Variants in COL6A3 observed in about 807,000 individuals in gnomAD.
COL6A3 encodes collagen type VI alpha 3 chain, also known as collagen alpha-3(VI) chain.
Under a neutral mutation model 274.1 loss-of-function variants are expected in COL6A3, and 137 were observed. The observed-to-expected ratio is 0.50, with a 90% CI of 0.44 to 0.58. COL6A3 has a LOEUF of 0.58. Ranked by LOEUF, COL6A3 falls within the 20% of genes least tolerant of loss-of-function variation. The pLI is 0.00. For missense variants in COL6A3, 3,950 were observed against 4,124.9 expected (o/e 0.96, Z 1.16); for synonymous variants, 1,650 against 1,650.6 (o/e 1.00, Z 0.01).
intron 3 of COL6A3, among the ~76,000 whole-genome samples, chr2:237,392,102 A>G (rs995284249): frequency 1.5e-4 from 23 of 152,130 alleles, no homozygotes; most frequent in African/African-American, 4.1e-4. Flanking sequence ...ACTCTTTCCT[A>G]TGGAGAAGCA....
At chr2:237,346,625 C>T in intron 31 of COL6A3, 60 bp from the exon 32 acceptor site, 1 of 1,484,548 alleles carries the variant, frequency 6.7e-7, no homozygotes, top group Non-Finnish European at 9.4e-7. Flanking sequence ...TTTAAGGCTC[C>T]TATAGTTGGA....
intron 40 of COL6A3, among the ~76,000 whole-genome samples, chr2:237,335,727 A>G (rs1229157640): frequency 6.6e-6 from 1 of 152,228 alleles, no homozygotes; most frequent in Non-Finnish European, 1.5e-5. Flanking sequence ...GTCCGGCTCC[A>G]TACACCAGCC....
rs750341446 is a variant in COL6A3, at chr2:237,372,026, G to T, written c.3991C>A (p.Arg1331Ser). ...AACTGCGGGACGCCCTCTTCAATGC[G>T]GCTCCCCAGGGGCCTCTTGAAGATG... ...RNIFKRPLGSRIEEGVPQFLV... is the reference protein window; with the variant it reads ...RNIFKRPLGSSIEEGVPQFLV... Residue 1331 changes from arginine to serine, a missense_variant, in exon 9 of 44, where the codon CGC becomes AGC. Transcript: ENST00000295550. 29 of 1,613,940 alleles carry T rather than the reference G, an allele frequency of 1.8e-5. No individual in the cohort carries two copies. The highest frequency in any genetic ancestry group is 2.5e-5 in the Non-Finnish European group (29 of 1,180,042).
At chr2:237,408,024 T>C (rs546554358) in intron 1 of COL6A3, among the ~76,000 whole-genome samples, 6 of 152,346 alleles carry the variant, frequency 3.9e-5, no homozygotes, top group Non-Finnish European at 8.8e-5. Context: ...TTTCCAAAAC[T>C]GTGGTGTTCC....
intron 9 of COL6A3, among the ~76,000 whole-genome samples, chr2:237,370,240 AT>A (rs753401570): frequency 0.016 from 2,043 of 126,248 alleles, 15 homozygotes; most frequent in African/African-American, 0.037. Flanking sequence ...AACTGGTTTA[AT>A]TTTTTTTTTT....
chr2:237,405,328 T>C (rs531965820), intron 1 of COL6A3, among the ~76,000 whole-genome samples: 1 of 152,230 alleles, frequency 6.6e-6, no homozygotes, highest in African/African-American at 2.4e-5. Flanking sequence ...TCTTCTATTG[T>C]TTGTCATGTC....
chr2:237,398,376 CT>C (rs2106393654), intron 1 of COL6A3, among the ~76,000 whole-genome samples: 2 of 152,348 alleles, frequency 1.3e-5, no homozygotes, highest in East Asian at 3.9e-4. Context: ...GCCATCAGAC[CT>C]TTCCCCTGCC....
intron 12 of COL6A3, 52 bp downstream of exon 12, chr2:237,365,646 T>C (rs2077532668): frequency 6.5e-7 from 1 of 1,542,256 alleles, no homozygotes. Context: ...TCCTTTCCAG[T>C]AAAAATTTGG....
At chr2:237,410,805 G>T (rs2078838702) in intron 1 of COL6A3, among the ~76,000 whole-genome samples, 1 of 152,172 alleles carries the variant, frequency 6.6e-6, no homozygotes, top group South Asian at 2.1e-4. Context: ...GAATAGGATT[G>T]TCCTTTCTTT....
At chr2:237,345,139 G>T (rs760030485) in intron 33 of COL6A3, 42 bp downstream of exon 33, 2 of 1,614,006 alleles carry the variant, frequency 1.2e-6, no homozygotes, top group African/African-American at 1.3e-5. Flanking sequence ...CAAATCAAAG[G>T]CTCATGAGGT....
intron 1 of COL6A3, among the ~76,000 whole-genome samples, chr2:237,408,300 A>G (rs1233290621): frequency 1.3e-5 from 2 of 152,200 alleles, no homozygotes; most frequent in South Asian, 2.1e-4. Context: ...TTTGTGTAAA[A>G]GAAGGCTCCT....
At chr2:237,355,874 C>T (rs2077306596) in intron 23 of COL6A3, 1 of 152,258 alleles carries the variant, frequency 6.6e-6, no homozygotes, top group African/African-American at 2.4e-5. Flanking sequence ...AACAATCTGG[C>T]CTGGCCCCTC....
At chr2:237,404,020 T>C (rs1490357516) in intron 1 of COL6A3, among the ~76,000 whole-genome samples, 1 of 152,026 alleles carries the variant, frequency 6.6e-6, no homozygotes, top group Non-Finnish European at 1.5e-5. Flanking sequence ...CTCAATTAAA[T>C]AATGATATAC....
intron 20 of COL6A3, 120 bp from the exon 21 acceptor site, chr2:237,358,703 C>T: frequency 1.0e-6 from 1 of 982,876 alleles, no homozygotes; most frequent in Non-Finnish European, 1.6e-6. Context: ...TTTACTCATT[C>T]ACCATGAAGG....
At chr2:237,340,379 G>T in intron 38 of COL6A3, 73 bp downstream of exon 38, 1 of 1,404,682 alleles carries the variant, frequency 7.1e-7, no homozygotes, top group South Asian at 1.2e-5. Flanking sequence ...TCTTTTCCAT[G>T]ACTGTTCCTA....
chr2:237,324,642 C>A lies in COL6A3; in HGVS notation c.*132G>T, dbSNP rs1358174414. 2 of 815,334 alleles carry A rather than the reference C, an allele frequency of 2.5e-6. No individual in the cohort carries two copies. Among genetic ancestry groups the A allele is most frequent in the East Asian group, 2.6e-5 (1 of 37,782 alleles). The allele number at this position is 815,334 out of a possible 1,614,324, so 50.5% of individuals were successfully genotyped here. A position where few individuals can be genotyped will look rare whatever the true frequency, so the allele number is the denominator to read the frequency against. ...GGTCATGCAGCAGGATGTTCCCTCC[C>A]GAGTTCGAGTGTAAATCAAAGCATG... On this transcript the variant is annotated 3_prime_UTR_variant, in exon 44 of 44. Coordinates refer to ENST00000295550, the MANE Select transcript of COL6A3 (RefSeq NM_004369.4).
chr2:237,394,972 G>A lies in COL6A3; in HGVS notation c.324C>T (p.Asn108=). 6.2e-7 allele frequency: 1 copy of A among 1,614,154 alleles called. No homozygotes were observed. Among genetic ancestry groups the A allele is most frequent in the Admixed American group, 1.7e-5 (1 of 60,022 alleles). Residue 108 remains asparagine, a synonymous_variant, in exon 3 of 44, where the codon AAC becomes AAT. Transcript: ENST00000295550. Reference sequence around the variant, plus strand: ...GATTGGTTCCCCCAATATAAGACATGTTGGAAATATGAGAAAGGACTTCTT... The same window carrying A: ...GATTGGTTCCCCCAATATAAGACATATTGGAAATATGAGAAAGGACTTCTT... ...TKQEVLSHIS[N]MSYIGGTNQT...
intron 5 of COL6A3, 34 bp downstream of exon 5, chr2:237,380,881 C>A: frequency 1.9e-6 from 3 of 1,598,874 alleles, no homozygotes; most frequent in Non-Finnish European, 2.6e-6. Context: ...CTGGAGACCA[C>A]CCCATTGTGT....
At chr2:237,332,426 T>C (rs1388464014) in intron 42 of COL6A3, among the ~76,000 whole-genome samples, 17 of 152,218 alleles carry the variant, frequency 1.1e-4, no homozygotes, top group Non-Finnish European at 1.5e-5. Context: ...AAGTTAGAGT[T>C]GAATCTGTCC....
Sources: allele counts gnomAD v4.1 joint callset (sites outside exome capture counted in the v4.1 genomes callset), GRCh38; gene constraint gnomAD v4.1.1; transcripts MANE v1.5; gene names NCBI Gene and HGNC (gene_info 2026-07-23, HGNC 2026-07-21).